PLEKHA1: variants seen among roughly 807,000 people sequenced by gnomAD.
The protein encoded by PLEKHA1 is pleckstrin homology domain containing A1.
PLEKHA1 carries 34 observed loss-of-function variants against 52.0 expected under a neutral mutation model. That is an observed-to-expected ratio of 0.65 (90% CI 0.50 to 0.87). The LOEUF (loss-of-function observed/expected upper bound fraction) is 0.87, where lower values mean the gene tolerates loss of function less well. Among genes scored for constraint, PLEKHA1 ranks in the 40% least tolerant of loss-of-function variants. The pLI, the probability that PLEKHA1 is intolerant of heterozygous loss-of-function variation, is 0.00. For synonymous variants in PLEKHA1, 163 were observed against 170.7 expected, an observed-to-expected ratio of 0.95 and a Z score of 0.35; for missense variants, 497 against 504.2, an observed-to-expected ratio of 0.99 and a Z score of 0.14.
intron 1 of PLEKHA1, among the ~76,000 whole-genome samples, chr10:122,378,309 A>G (rs778815733): frequency 2.0e-5 from 3 of 152,246 alleles, no homozygotes; most frequent in Non-Finnish European, 2.9e-5. Flanking sequence ...AACAAACACA[A>G]GAGTTTTAAT....
At chr10:122,416,201 C>T (rs1471943061) in intron 7 of PLEKHA1, among the ~76,000 whole-genome samples, 199 bp downstream of exon 7, 3 of 152,078 alleles carry the variant, frequency 2.0e-5, no homozygotes, top group Non-Finnish European at 4.4e-5. Flanking sequence ...TTGCAGGGGG[C>T]CAGGAAAGTT....
At chr10:122,379,286 G>C (rs2096582154) in intron 1 of PLEKHA1, among the ~76,000 whole-genome samples, 2 of 152,192 alleles carry the variant, frequency 1.3e-5, no homozygotes, top group Non-Finnish European at 1.5e-5. Flanking sequence ...TTCAATCCAG[G>C]TACGCTGTGG....
chr10:122,436,136 T>A (rs1565384295), downstream of PLEKHA1: 1 of 152,136 alleles, frequency 6.6e-6, no homozygotes, highest in Non-Finnish European at 1.5e-5. Context: ...TTGAAATGTA[T>A]CTTTCTGATA....
intron 2 of PLEKHA1, among the ~76,000 whole-genome samples, chr10:122,394,362 C>T (rs2096822162): frequency 6.6e-6 from 1 of 152,068 alleles, no homozygotes; most frequent in Non-Finnish European, 1.5e-5. Context: ...AGGCATGAGC[C>T]ACCGCGCCCG....
intron 4 of PLEKHA1, among the ~76,000 whole-genome samples, chr10:122,403,311 G>T (rs1406911492): frequency 6.6e-6 from 1 of 152,184 alleles, no homozygotes; most frequent in African/African-American, 2.4e-5. Flanking sequence ...AGAGAAAACA[G>T]AGTGGGGAAA....
At chr10:122,441,505 A>T in the PLEKHA1 span, 7 of 152,428 alleles carry the variant, frequency 4.6e-5, no homozygotes, top group Non-Finnish European at 1.0e-4. Flanking sequence ...CTGCCCTAAG[A>T]TATCCATTAT....
chr10:122,393,948 T>C lies in PLEKHA1; in HGVS notation c.141+607T>C, dbSNP rs2096810558. Among the ~76,000 whole-genome samples, 1 of 152,200 alleles carries C rather than the reference T, an allele frequency of 6.6e-6. No homozygotes were observed. The highest frequency in any genetic ancestry group is 2.1e-4 in the South Asian group (1 of 4,830). On this transcript the variant is annotated intron_variant, in intron 2 of 11. Transcript: ENST00000368990. The surrounding 1 kb of genome is among the most constrained non-coding windows in gnomAD (Gnocchi z 4.5). The stretch of plus-strand genomic sequence containing the variant: ...CATGAACTGAAATGCAGTTTGATTT[T>C]ATTGTTGCCTTGCAAAACACAGGGG...
At chr10:122,384,480 C>T (rs578134562) in intron 1 of PLEKHA1, among the ~76,000 whole-genome samples, 8 of 151,844 alleles carry the variant, frequency 5.3e-5, no homozygotes, top group South Asian at 2.1e-4. Flanking sequence ...AGGTGGTGGG[C>T]GCCTGTAGTC....
chr10:122,397,077 C>T (rs1374307931), intron 2 of PLEKHA1, among the ~76,000 whole-genome samples: 1 of 152,108 alleles, frequency 6.6e-6, no homozygotes, highest in African/African-American at 2.4e-5. Context: ...TACAATCTTA[C>T]AGGACACTGC....
At chr10:122,410,152 G>GT (rs1169449372) in intron 5 of PLEKHA1, among the ~76,000 whole-genome samples, 2 of 152,028 alleles carry the variant, frequency 1.3e-5, no homozygotes, top group Admixed American at 1.3e-4. Context: ...AACCTGCAGC[G>GT]TTTTTATGTA....
chr10:122,383,326 C>CTTTTTTTTTTTTTTTT, intron 1 of PLEKHA1, among the ~76,000 whole-genome samples: 1 of 111,614 alleles, frequency 9.0e-6, no homozygotes, highest in Non-Finnish European at 1.8e-5. Flanking sequence ...TTTTTTTTTT[C>CTTTTTTTTTTTTTTTT]TTTTTTTTTT....
chr10:122,422,305 A>G (rs1287841056), intron 8 of PLEKHA1: 1 of 152,132 alleles, frequency 6.6e-6, no homozygotes, highest in African/African-American at 2.4e-5. Context: ...ATGATGGGAA[A>G]CCTGGTATTA....
Position 122,429,619 on chromosome 10 carries a change from T to G in PLEKHA1, c.901-5T>G. The G allele has an allele frequency of 6.2e-7, 1 of 1,611,970 alleles. No individual in the cohort carries two copies. The highest frequency in any genetic ancestry group is 8.5e-7 in the Non-Finnish European group (1 of 1,178,506). ...ACCGTGTCTGACTGCCACTCCTTTT[T>G]GCAGGAGCATCCCCCCGGTCCTTCA... On this transcript the variant is annotated splice_region_variant and splice_polypyrimidine_tract_variant and intron_variant, in intron 11 of 11. Transcript: ENST00000368990.
chr10:122,381,996 T>A lies in PLEKHA1; in HGVS notation c.-21+7190T>A, dbSNP rs562574610. On this transcript the variant is annotated intron_variant, in intron 1 of 11. Transcript: ENST00000368990. ...TAACCTCACCAAGACACTGAGTATA[T>A]ATAGGAAAGAGATCCACAGACCACC... Among the ~76,000 whole-genome samples, 32 of 152,214 alleles carry A rather than the reference T, an allele frequency of 2.1e-4. No homozygotes were observed. The East Asian group carries it at 6.2e-3, about 29-fold the overall frequency.
At chr10:122,433,596 C>T (rs970751877), downstream of PLEKHA1, 1 of 152,094 alleles carries the variant, frequency 6.6e-6, no homozygotes, top group Admixed American at 6.5e-5. Flanking sequence ...TCATCTTAGA[C>T]CTTCAGATCT....
downstream of PLEKHA1, chr10:122,435,421 G>T (rs1010870052): frequency 1.4e-4 from 21 of 152,076 alleles, no homozygotes; most frequent in Non-Finnish European, 8.8e-5. Context: ...TGTGGTAATA[G>T]CGCCACCTTC....
At position 122,415,989 on chromosome 10, in the gene PLEKHA1, A is replaced by G; in HGVS notation, c.599A>G (p.Lys200Arg). 6.2e-7 allele frequency: 1 copy of G among 1,612,570 alleles called. No homozygotes were observed. The highest frequency in any genetic ancestry group is 2.2e-5 in the East Asian group (1 of 44,830). Residue 200 changes from lysine (K) to arginine (R), a missense_variant, in exon 7 of 12, where the codon AAA becomes AGA. Transcript: ENST00000368990. ...GTTATCAAAGCTGGATATTGTGTAA[A>G]ACAAGGAGCAGTGGTGAGTAGCTTA... ...SAVIKAGYCV[K>R]QGAVMKNWKR...
intron 1 of PLEKHA1, chr10:122,387,671 G>T: frequency 6.6e-6 from 1 of 152,302 alleles, no homozygotes. Context: ...TCAGATGGCA[G>T]CTGGAATGAG....
intron 8 of PLEKHA1, chr10:122,422,162 TA>T (rs2097269147): frequency 6.6e-6 from 1 of 151,868 alleles, no homozygotes; most frequent in Non-Finnish European, 1.5e-5. Context: ...GAAGGAAAAA[TA>T]TTTCCTTAGA....
Sources: gnomAD v4.1 joint callset for allele counts (sites outside exome capture counted in the v4.1 genomes callset) on GRCh38, gnomAD v4.1.1 for gene constraint, Gnocchi (gnomAD v3.1) non-coding constraint, MANE v1.5 for transcripts, NCBI Gene and HGNC (gene_info 2026-07-23, HGNC 2026-07-21) for gene names.